CRYM: variants seen among roughly 807,000 people sequenced by gnomAD.
CRYM encodes crystallin mu, also known as ketimine reductase mu-crystallin.
A neutral mutation model predicts 32.9 loss-of-function variants in CRYM; 18 were observed. That is an observed-to-expected ratio of 0.55 (90% confidence interval 0.38 to 0.81). The LOEUF is 0.81. Ranked by LOEUF, CRYM falls within the 30% of genes least tolerant of loss-of-function variation. The pLI, the probability that CRYM is intolerant of heterozygous loss-of-function variation, is 0.00. For synonymous variants in CRYM, 153 were observed against 152.4 expected, an observed-to-expected ratio of 1.00 and a Z score of -0.03; for missense variants, 337 against 393.5, an observed-to-expected ratio of 0.86 and a Z score of 1.21.
chr16:21,284,437 A>AC (rs1482988056), intron 1 of CRYM, among the ~76,000 whole-genome samples: 8 of 151,144 alleles, frequency 5.3e-5, no homozygotes, highest in Admixed American at 4.6e-4. Context: ...CATTTTCATC[A>AC]CCCCCCAAAT....
At chr16:21,261,443 T>C (rs1477444228) in intron 6 of CRYM, 105 bp from the exon 7 acceptor site, 2 of 683,954 alleles carry the variant, frequency 2.9e-6, no homozygotes, top group African/African-American at 2.9e-5. Context: ...GAGATAAATT[T>C]GATTAAAAAA....
At chr16:21,301,645 C>A (rs962104487) in intron 1 of CRYM, among the ~76,000 whole-genome samples, 1 of 152,216 alleles carries the variant, frequency 6.6e-6, no homozygotes, top group African/African-American at 2.4e-5. Flanking sequence ...GTGCTCCCCT[C>A]GAGCACCGCC....
At chr16:21,270,254 ATTAT>A (rs146760938) in intron 3 of CRYM, among the ~76,000 whole-genome samples, 7,263 of 151,882 alleles carry the variant, frequency 0.048, 570 homozygotes, top group African/African-American at 0.16. Context: ...ACTTTTTAAA[ATTAT>A]TTATTTATTT....
chr16:21,259,411 A>G (rs2152860951), intron 7 of CRYM, among the ~76,000 whole-genome samples: 1 of 152,140 alleles, frequency 6.6e-6, no homozygotes, highest in African/African-American at 2.4e-5. Context: ...CCTGGCCTGA[A>G]CAAACTTTTC....
Position 21,269,779 on chromosome 16 carries a change from C to A in CRYM, c.489+11G>T. On this transcript the variant is annotated intron_variant, in intron 4 of 7. Transcript: ENST00000572914. ...TTCCCTCTTCTCTCCCACCCCCACC[C>A]CTGGACTTACCTCCTTAAAGGAGAA... The A allele has an allele frequency of 2.1e-6, 3 of 1,454,134 alleles. No homozygotes were observed. The South Asian group carries it at 3.4e-5, about 17-fold the overall frequency. 90.1% of individuals were successfully genotyped at this position (1,454,134 alleles called of 1,614,324 possible). A position where few individuals can be genotyped will look rare whatever the true frequency, so the allele number is the denominator to read the frequency against.
At chr16:21,298,804 CAT>C (rs1316822233) in intron 1 of CRYM, among the ~76,000 whole-genome samples, 1 of 152,160 alleles carries the variant, frequency 6.6e-6, no homozygotes, top group East Asian at 1.9e-4. Context: ...TGAAATATCT[CAT>C]ATTTATTTGT....
intron 1 of CRYM, among the ~76,000 whole-genome samples, chr16:21,299,322 T>C (rs945937052): frequency 3.9e-5 from 6 of 151,988 alleles, no homozygotes; most frequent in Middle Eastern, 3.2e-3. Context: ...TTTTTTTTAC[T>C]TTTTGAAACA....
chr16:21,298,555 T>C (rs1260774300), intron 1 of CRYM, among the ~76,000 whole-genome samples: 1 of 152,176 alleles, frequency 6.6e-6, no homozygotes, highest in Non-Finnish European at 1.5e-5. Flanking sequence ...ATGATTCCAT[T>C]CATATAAAGT....
chr16:21,271,522 A>C (rs2093375296), intron 3 of CRYM, among the ~76,000 whole-genome samples: 1 of 152,228 alleles, frequency 6.6e-6, no homozygotes, highest in Admixed American at 6.5e-5. Context: ...AATTAATTTT[A>C]TCTCCTGCAG....
chr16:21,294,889 G>T (rs555355427), intron 1 of CRYM, among the ~76,000 whole-genome samples: 4 of 151,828 alleles, frequency 2.6e-5, no homozygotes, highest in South Asian at 4.2e-4. Context: ...TAGAGACAGG[G>T]TTTCACCATG....
chr16:21,261,138 A>G, intron 7 of CRYM, 116 bp downstream of exon 7: 1 of 825,762 alleles, frequency 1.2e-6, no homozygotes, highest in Non-Finnish European at 2.1e-6. Context: ...ATTGACCTGA[A>G]TGATGGAGCA....
chr16:21,302,215 A>T (rs1255271795), intron 1 of CRYM, among the ~76,000 whole-genome samples: 1 of 152,186 alleles, frequency 6.6e-6, no homozygotes, highest in African/African-American at 2.4e-5. Context: ...TCCAGAATTT[A>T]TTTGCTGTGA....
chr16:21,296,342 AT>A (rs1419695322), intron 1 of CRYM, among the ~76,000 whole-genome samples: 1 of 152,372 alleles, frequency 6.6e-6, no homozygotes, highest in South Asian at 2.1e-4. Context: ...TAGAAAAACA[AT>A]CAAATGGAAA....
chr16:21,287,007 G>T (rs12599873), intron 1 of CRYM, among the ~76,000 whole-genome samples: 2,405 of 151,574 alleles, frequency 0.016, 85 homozygotes, highest in East Asian at 0.077. Context: ...GGAGAATGGC[G>T]TGAACCCAGG....
At chr16:21,295,266 C>T (rs1338756015) in intron 1 of CRYM, among the ~76,000 whole-genome samples, 3 of 152,204 alleles carry the variant, frequency 2.0e-5, no homozygotes, top group South Asian at 2.1e-4. Context: ...AGTGGTTGAA[C>T]GAATTTAAAT....
At chr16:21,290,699 C>T (rs770364248) in intron 1 of CRYM, among the ~76,000 whole-genome samples, 1 of 152,106 alleles carries the variant, frequency 6.6e-6, no homozygotes, top group East Asian at 1.9e-4. Flanking sequence ...TTCTTATTTA[C>T]TCATATATAT....
upstream of CRYM, among the ~76,000 whole-genome samples, chr16:21,280,833 A>G (rs2093396748): frequency 6.6e-6 from 1 of 152,114 alleles, no homozygotes; most frequent in Non-Finnish European, 1.5e-5. Context: ...GCTTGGGCAC[A>G]GTGGCTCACA....
chr16:21,278,526 C>A (rs965794314), upstream of CRYM: 27 of 557,180 alleles, frequency 4.8e-5, no homozygotes, highest in Admixed American at 6.2e-5. Context: ...GTTTGGTCCA[C>A]TTTCTCAGTT....
chr16:21,293,494 C>T (rs1567241641), intron 1 of CRYM, among the ~76,000 whole-genome samples: 1 of 152,056 alleles, frequency 6.6e-6, no homozygotes, highest in Non-Finnish European at 1.5e-5. Context: ...TAGACCTAGT[C>T]AATCAAAATC....
Sources: gnomAD v4.1 joint callset for allele counts (sites outside exome capture counted in the v4.1 genomes callset) on GRCh38, gnomAD v4.1.1 for gene constraint, MANE v1.5 for transcripts, NCBI Gene and HGNC (gene_info 2026-07-23, HGNC 2026-07-21) for gene names.